Variants in DNAH8 observed in about 807,000 individuals in gnomAD.
DNAH8 encodes axonemal beta dynein heavy chain 8.
Under a neutral mutation model 562.1 loss-of-function variants are expected in DNAH8, and 382 were observed. The observed-to-expected ratio is 0.68, with a 90% CI of 0.63 to 0.74. DNAH8 has a LOEUF of 0.74. DNAH8 is among the 30% of genes least tolerant of loss of function. DNAH8 has a pLI of 0.00. For missense variants in DNAH8, 5,203 were observed against 5,620.4 expected (o/e 0.93, Z 2.37); for synonymous variants, 1,881 against 1,919.4 (o/e 0.98, Z 0.52).
At position 39,025,440 on chromosome 6, in the gene DNAH8, C is replaced by G. The variant is rs372521198; in HGVS notation, c.13715-1106C>G. On this transcript the variant is annotated intron_variant, in intron 91 of 92. Coordinates refer to ENST00000327475, the MANE Select transcript of DNAH8 (RefSeq NM_001206927.2). ...TGCAGGGCTTGGTACATGGTGGCCA[C>G]TTCAGCAAGGTTTGACAGAGCAATG... Among the ~76,000 whole-genome samples the G allele has an allele frequency of 1.1e-4, 17 of 152,306 alleles. No individual in the cohort carries two copies. In the East Asian group the frequency reaches 2.7e-3, roughly 24 times the overall value.
chr6:38,952,582 C>T (rs774846108), intron 82 of DNAH8, among the ~76,000 whole-genome samples: 1 of 152,132 alleles, frequency 6.6e-6, no homozygotes, highest in African/African-American at 2.4e-5. Context: ...ATTACATAGT[C>T]GACATAAGCA....
chr6:39,000,009 A>G (rs1006314731), intron 88 of DNAH8, among the ~76,000 whole-genome samples: 4 of 152,134 alleles, frequency 2.6e-5, no homozygotes, highest in Non-Finnish European at 4.4e-5. Context: ...TGTTTTTACC[A>G]TAAGAAGGAA....
intron 87 of DNAH8, among the ~76,000 whole-genome samples, chr6:38,989,666 G>A (rs1764647124): frequency 6.6e-6 from 1 of 152,140 alleles, no homozygotes; most frequent in Non-Finnish European, 1.5e-5. Flanking sequence ...TCTTGTGTGT[G>A]GGAGTATGGC....
Position 38,988,335 on chromosome 6 carries a change from A to G in DNAH8, c.13054-1677A>G, listed in dbSNP as rs60464866. Among the ~76,000 whole-genome samples, 1,046 of 152,268 alleles carry G rather than the reference A, an allele frequency of 6.9e-3. 36 individuals carry two copies. The East Asian group carries it at 0.093, about 14-fold the overall frequency. On this transcript the variant is annotated intron_variant, in intron 87 of 92. Coordinates refer to ENST00000327475, the MANE Select transcript of DNAH8 (RefSeq NM_001206927.2). ...GAAACTCAGCTATTTGTATGTGTAT[A>G]AAGTGCTGGGAAAATAGTAAGAAAC...
chr6:39,023,167 G>T (rs2095029), intron 91 of DNAH8, among the ~76,000 whole-genome samples: 80,665 of 152,006 alleles, frequency 0.53, 23,442 homozygotes, highest in Non-Finnish European at 0.66. Flanking sequence ...CACCACTGAT[G>T]ATTGAAATTT....
At chr6:38,983,512 AC>A (rs1395435959) in intron 86 of DNAH8, among the ~76,000 whole-genome samples, 1 of 152,222 alleles carries the variant, frequency 6.6e-6, no homozygotes, top group Non-Finnish European at 1.5e-5. Context: ...AATAATAGTT[AC>A]CTTAAAATAG....
intron 86 of DNAH8, 121 bp downstream of exon 86, chr6:38,982,583 G>A: frequency 1.6e-6 from 1 of 622,238 alleles, no homozygotes; most frequent in South Asian, 2.1e-5. Flanking sequence ...CCCTTTGAAG[G>A]GACTTGTTGC....
Position 38,990,131 on chromosome 6 carries a change from T to C in DNAH8, c.13173T>C (p.Asp4391=). 6.2e-7 allele frequency: 1 copy of C among 1,612,432 alleles called. No individual in the cohort carries two copies. Among genetic ancestry groups the C allele is most frequent in the East Asian group, 2.2e-5 (1 of 44,868 alleles). ...FEYIQSLPSL[D]NPEVFGLHPN... ...ACATCCAGTCACTGCCATCCCTAGA[T>C]AACCCTGAAGTCTTTGGGCTTCACC... Residue 4391 remains aspartate (D), a synonymous_variant, in exon 88 of 93, where the codon GAT becomes GAC. Transcript: ENST00000327475.
chr6:38,880,714 G>A (rs574103000), intron 53 of DNAH8, among the ~76,000 whole-genome samples: 14 of 152,268 alleles, frequency 9.2e-5, no homozygotes, highest in East Asian at 5.8e-4. Flanking sequence ...ATCATTGGTC[G>A]TCAGGGAAAT....
At chr6:38,871,511 G>A (rs1382931297) in intron 49 of DNAH8, among the ~76,000 whole-genome samples, 1 of 152,156 alleles carries the variant, frequency 6.6e-6, no homozygotes, top group Non-Finnish European at 1.5e-5. Context: ...GAACATGTCA[G>A]GAACAGTGCC....
At position 38,729,064 on chromosome 6, in the gene DNAH8, G is replaced by A. The variant is rs184122158; in HGVS notation, c.526-838G>A. 2.5e-3 allele frequency among the ~76,000 whole-genome samples: 384 copies of A among 152,266 alleles called. 2 individuals are homozygous for A. The highest frequency in any genetic ancestry group is 8.9e-3 in the African/African-American group (370 of 41,550). ...CTAAAAATACAAAAATTAGCTGGGC[G>A]TGGTGGCAGAAGCCTGTAATCTCAG... is the stretch of plus-strand genomic sequence containing the variant. On this transcript the variant is annotated intron_variant, in intron 3 of 92. Transcript: ENST00000327475.
At chr6:38,838,395 C>T (rs1253265584) in intron 33 of DNAH8, among the ~76,000 whole-genome samples, 2 of 150,650 alleles carry the variant, frequency 1.3e-5, no homozygotes, top group African/African-American at 4.8e-5. Flanking sequence ...CTTCCTGGCT[C>T]CCCTTGCCTT....
chr6:38,778,138 A>G (rs1265033161), intron 13 of DNAH8, among the ~76,000 whole-genome samples: 1 of 152,180 alleles, frequency 6.6e-6, no homozygotes, highest in Non-Finnish European at 1.5e-5. Flanking sequence ...TTTTGTACTA[A>G]GTCTTTGAAA....
intron 32 of DNAH8, among the ~76,000 whole-genome samples, chr6:38,836,847 T>C (rs1480021461): frequency 2.6e-5 from 4 of 152,264 alleles, no homozygotes; most frequent in South Asian, 2.1e-4. Flanking sequence ...TTTATTCCTG[T>C]TCAGCTGATG....
intron 62 of DNAH8, among the ~76,000 whole-genome samples, chr6:38,904,529 G>A (rs766771367): frequency 3.9e-5 from 6 of 152,092 alleles, no homozygotes; most frequent in Non-Finnish European, 5.9e-5. Context: ...CCTGGCTCAC[G>A]CCTGTAATCC....
At chr6:38,907,819 G>T in intron 63 of DNAH8, 137 bp from the exon 64 acceptor site, 1 of 682,098 alleles carries the variant, frequency 1.5e-6, no homozygotes, top group East Asian at 3.1e-5. Context: ...GGCAAATCAG[G>T]GATTTGACTG....
At chr6:38,865,745 G>A (rs1341269402) in intron 45 of DNAH8, among the ~76,000 whole-genome samples, 3 of 152,200 alleles carry the variant, frequency 2.0e-5, no homozygotes, top group African/African-American at 4.8e-5. Flanking sequence ...TCTAGGTGTT[G>A]CTGTACCCAG....
chr6:38,960,425 A>C (rs565417000), intron 82 of DNAH8, among the ~76,000 whole-genome samples: 1 of 152,094 alleles, frequency 6.6e-6, no homozygotes, highest in Admixed American at 6.5e-5. Context: ...ATAGCAAAAA[A>C]AAAAAAAATA....
intron 75 of DNAH8, 65 bp downstream of exon 75, chr6:38,929,731 A>G: frequency 7.3e-7 from 1 of 1,377,858 alleles, no homozygotes; most frequent in Non-Finnish European, 9.6e-7. Context: ...AAAGAAAAAA[A>G]TTAAGAAAGA....
Sources: allele counts gnomAD v4.1 joint callset (sites outside exome capture counted in the v4.1 genomes callset), GRCh38; gene constraint gnomAD v4.1.1; transcripts MANE v1.5; gene names NCBI Gene and HGNC (gene_info 2026-07-23, HGNC 2026-07-21).